THADA: variants seen among roughly 807,000 people sequenced by gnomAD.
THADA encodes THADA armadillo repeat containing.
A neutral mutation model predicts 219.8 loss-of-function variants in THADA; 213 were observed. That is an observed-to-expected ratio of 0.97 (90% CI 0.87 to 1.09). The LOEUF is 1.09. Among genes scored for constraint, THADA ranks in the 50% least tolerant of loss-of-function variants. The probability of loss-of-function intolerance (pLI) is 0.00; values close to 1 mark genes in which losing one functional copy is unlikely to be tolerated. For missense variants in THADA, 2,956 were observed against 2,311.3 expected (o/e 1.28, Z -5.72); for synonymous variants, 1,018 against 828.9 (o/e 1.23, Z -3.92).
chr2:43,342,215 A>G (rs1377036598), intron 30 of THADA, among the ~76,000 whole-genome samples: 2 of 152,054 alleles, frequency 1.3e-5, no homozygotes, highest in Non-Finnish European at 2.9e-5. Context: ...GACCCTGTCT[A>G]AAAAAAGGGA....
At chr2:43,433,044 C>G (rs910873402) in intron 26 of THADA, among the ~76,000 whole-genome samples, 1 of 152,028 alleles carries the variant, frequency 6.6e-6, no homozygotes, top group Admixed American at 6.6e-5. Flanking sequence ...CTCTACCTAC[C>G]TAAGAAAGAT....
rs187253661 is a variant in THADA, at chr2:43,311,100, C to T, written c.4438+9346G>A. On this transcript the variant is annotated intron_variant, in intron 31 of 37. Transcript: ENST00000405975. ...CTGAGGCAGGAGAATCGCTTGAAAC[C>T]GGGAGGCGGAGGTTGCAGTGAACCG... 9.6e-4 allele frequency among the ~76,000 whole-genome samples: 146 copies of T among 151,770 alleles called. No homozygotes were observed. The Middle Eastern group carries it at 0.01, about 11-fold the overall frequency.
rs767029413 is a variant in THADA at position 43,527,930 on chromosome 2, G to A, written c.3323C>T (p.Ala1108Val). ...QHLLQSRHRG[A>V]FELAYTGFVK... ...AAAACCAGTATAAGCCAATTCAAAT[G>A]CTCCTCTGTGCCTGGACTGCAAAAG... The change falls in exon 22 of 38, where the codon GCA becomes GTA. Residue 1108 changes from alanine to valine, a missense_variant. By Grantham distance (64) the Ala-to-Val change is moderately conservative (BLOSUM62 0). Transcript: ENST00000405975. 6 of 1,613,390 alleles carry A rather than the reference G, an allele frequency of 3.7e-6. No homozygotes were observed. In the Admixed American group the frequency reaches 1.0e-4, roughly 27 times the overall value.
intron 36 of THADA, among the ~76,000 whole-genome samples, chr2:43,245,861 G>T (rs982510217): frequency 1.2e-4 from 18 of 152,086 alleles, no homozygotes; most frequent in African/African-American, 4.3e-4. Flanking sequence ...AAAAACTCAA[G>T]AAGATAATGT....
chr2:43,232,703 C>G lies in THADA; in HGVS notation c.5466+10G>C. 6.2e-7 allele frequency: 1 copy of G among 1,613,316 alleles called. No individual in the cohort carries two copies. The highest frequency in any genetic ancestry group is 1.7e-5 in the Admixed American group (1 of 59,980). The stretch of plus-strand genomic sequence containing the variant: ...CCCTGCCTCCTACTCCCCTGACACC[C>G]CGGGATCACCTGATGCATGCTCTCC... On this transcript the variant is annotated intron_variant, in intron 37 of 37. Coordinates refer to ENST00000405975, the MANE Select transcript of THADA (RefSeq NM_022065.5).
At chr2:43,308,215 C>T (rs1215043582) in intron 31 of THADA, among the ~76,000 whole-genome samples, 1 of 151,572 alleles carries the variant, frequency 6.6e-6, no homozygotes, top group Non-Finnish European at 1.5e-5. Flanking sequence ...AACAGTAGTA[C>T]GTTATACGCT....
At chr2:43,519,739 G>A (rs1441061344) in intron 22 of THADA, among the ~76,000 whole-genome samples, 1 of 152,160 alleles carries the variant, frequency 6.6e-6, no homozygotes. Flanking sequence ...AATAATTAAG[G>A]AGCAACTAGT....
intron 36 of THADA, among the ~76,000 whole-genome samples, chr2:43,244,817 G>A (rs757343103): frequency 3.3e-5 from 5 of 152,132 alleles, no homozygotes; most frequent in East Asian, 1.9e-4. Flanking sequence ...GGGTTCGATC[G>A]CCTCCAACTC....
Position 43,574,993 on chromosome 2 carries a change from T to C in THADA, c.1072A>G (p.Arg358Gly), listed in dbSNP as rs1699706886. The C allele has an allele frequency of 1.9e-6, 3 of 1,613,034 alleles. No homozygotes were observed. Among genetic ancestry groups the C allele is most frequent in the Admixed American group, 1.7e-5 (1 of 59,884 alleles). The change falls in exon 11 of 38, where the codon AGA (arginine) becomes GGA (glycine). Residue 358 changes from arginine (R) to glycine (G), a missense_variant. Physicochemically the swap from Arg to Gly is moderately radical, Grantham distance 125. Transcript: ENST00000405975. Reference protein sequence around the residue: ...KEPTLEMFLSRILASWTNSAI... With the variant: ...KEPTLEMFLSGILASWTNSAI... The stretch of plus-strand genomic sequence containing the variant: ...GAATTAGTCCAGGATGCTAAGATTC[T>C]AGACAGAAACATTTCCAGCGTTGGC...
intron 14 of THADA, among the ~76,000 whole-genome samples, chr2:43,568,737 T>C (rs1006239149): frequency 6.6e-6 from 1 of 152,010 alleles, no homozygotes; most frequent in African/African-American, 2.4e-5. Context: ...GGGCATAATA[T>C]CCACAATGAT....
intron 31 of THADA, among the ~76,000 whole-genome samples, chr2:43,303,257 T>A (rs1676469263): frequency 1.3e-5 from 2 of 152,182 alleles, no homozygotes; most frequent in African/African-American, 4.8e-5. Context: ...TTAGCAGTGT[T>A]TGGTTCTTTG....
chr2:43,571,659 CCAAA>C (rs746873045), intron 13 of THADA, 44 bp downstream of exon 13: 8 of 1,557,162 alleles, frequency 5.1e-6, no homozygotes, highest in Middle Eastern at 1.7e-4. Context: ...AAACGATTTC[CCAAA>C]CAAAGTTCAC....
At chr2:43,440,960 C>G (rs1169854051) in intron 26 of THADA, among the ~76,000 whole-genome samples, 1 of 152,076 alleles carries the variant, frequency 6.6e-6, no homozygotes, top group East Asian at 1.9e-4. Context: ...AAATATTTAC[C>G]AACTAGTTTA....
intron 22 of THADA, among the ~76,000 whole-genome samples, chr2:43,524,919 G>A (rs1252553081): frequency 1.3e-5 from 2 of 152,134 alleles, no homozygotes; most frequent in African/African-American, 4.8e-5. Flanking sequence ...TCTGTCCTTA[G>A]ACCTCTGTTC....
intron 30 of THADA, among the ~76,000 whole-genome samples, chr2:43,320,854 G>A (rs1367360690): frequency 1.3e-5 from 2 of 152,122 alleles, no homozygotes; most frequent in African/African-American, 4.8e-5. Flanking sequence ...AAATAAGATG[G>A]GACAGAAGGG....
At chr2:43,514,917 G>T (rs1691147118) in intron 22 of THADA, among the ~76,000 whole-genome samples, 1 of 56,408 alleles carries the variant, frequency 1.8e-5, no homozygotes, top group Non-Finnish European at 2.9e-5. Flanking sequence ...TATATTTTAT[G>T]TATAATATAT....
chr2:43,410,663 T>A (rs890039421), intron 28 of THADA, among the ~76,000 whole-genome samples: 4 of 152,110 alleles, frequency 2.6e-5, no homozygotes, highest in Non-Finnish European at 5.9e-5. Flanking sequence ...GTCCGTTTAC[T>A]TAAAATTCTA....
chr2:43,515,244 TATATTATATATAATATATAATATATA>T, intron 22 of THADA, among the ~76,000 whole-genome samples: 2 of 60,142 alleles, frequency 3.3e-5, no homozygotes, highest in Non-Finnish European at 6.1e-5. Flanking sequence ...TAATATATAA[TATATTATATATAATATATAATATATA>T]ATATATAATA....
intron 28 of THADA, among the ~76,000 whole-genome samples, chr2:43,407,249 T>C (rs916507469): frequency 6.6e-6 from 1 of 152,216 alleles, no homozygotes; most frequent in African/African-American, 2.4e-5. Flanking sequence ...TGGGTAGTCA[T>C]TTTAAGACAC....
Sources: allele counts gnomAD v4.1 joint callset (sites outside exome capture counted in the v4.1 genomes callset), GRCh38; gene constraint gnomAD v4.1.1; transcripts MANE v1.5; gene names NCBI Gene and HGNC (gene_info 2026-07-23, HGNC 2026-07-21).